The following IFT140 variants were observed in gnomAD, a reference collection of about 807,000 sequenced individuals.
The protein encoded by IFT140 is intraflagellar transport 140.
In IFT140, 133 loss-of-function variants were observed where a neutral mutation model predicts 164.6. The ratio of observed to expected loss-of-function variants is 0.81; its 90% CI spans 0.70 to 0.93. The LOEUF (loss-of-function observed/expected upper bound fraction) is 0.93, where lower values mean the gene tolerates loss of function less well. IFT140 is among the 40% of genes least tolerant of loss of function. IFT140 has a pLI of 0.00. For missense variants in IFT140, 2,045 were observed against 1,972.3 expected, an observed-to-expected ratio of 1.04 and a Z score of -0.70; for synonymous variants, 860 against 817.3, an observed-to-expected ratio of 1.05 and a Z score of -0.89.
At chr16:1,524,045 G>A (rs2040601540) in intron 24 of IFT140, 89 bp from the exon 25 acceptor site, 46 of 1,509,076 alleles carry the variant, frequency 3.0e-5, no homozygotes, top group African/African-American at 5.5e-5. Flanking sequence ...GTGCGAACCC[G>A]CCCCTTCACT....
chr16:1,511,163 A>G lies in IFT140; in HGVS notation c.4183-13T>C. On this transcript the variant is annotated splice_polypyrimidine_tract_variant and intron_variant, in intron 30 of 30. Coordinates refer to ENST00000426508, the MANE Select transcript of IFT140 (RefSeq NM_014714.4). ...GGAATCTGTAGGCCTGGGGCAGAGGAGCAGACATTACTCAGCTTTCCTGAA... is the reference window on the plus strand; with the variant it reads ...GGAATCTGTAGGCCTGGGGCAGAGGGGCAGACATTACTCAGCTTTCCTGAA... The G allele has an allele frequency of 6.3e-7, 1 of 1,590,772 alleles. No homozygotes were observed. The highest frequency in any genetic ancestry group is 8.6e-7 in the Non-Finnish European group (1 of 1,169,530).
chr16:1,594,724 G>A (rs1380237904), intron 4 of IFT140, among the ~76,000 whole-genome samples: 2 of 152,342 alleles, frequency 1.3e-5, no homozygotes, highest in African/African-American at 2.4e-5. Context: ...AGGGACAGCC[G>A]GCGGGGCCTC....
intron 3 of IFT140, among the ~76,000 whole-genome samples, chr16:1,606,857 C>T (rs996617583): frequency 1.1e-4 from 16 of 151,932 alleles, no homozygotes; most frequent in African/African-American, 2.4e-4. Context: ...TGCACACACA[C>T]GCATACACCC....
At chr16:1,606,000 C>G (rs547780426) in intron 3 of IFT140, among the ~76,000 whole-genome samples, 1 of 152,288 alleles carries the variant, frequency 6.6e-6, no homozygotes, top group South Asian at 2.1e-4. Context: ...ACACCAGAGG[C>G]AGGGCTGGAG....
chr16:1,553,055 A>G lies in IFT140; in HGVS notation c.2399+4880T>C, dbSNP rs2032799615. 3.0e-6 allele frequency: 3 copies of G among 985,330 alleles called. No homozygotes were observed. In the South Asian group the frequency reaches 1.4e-4, roughly 46 times the overall value. 61.0% of individuals were successfully genotyped at this position (985,330 alleles called of 1,614,324 possible). On this transcript the variant is annotated intron_variant, in intron 19 of 30. Transcript: ENST00000426508. This position sits in a 1 kb window ranked among gnomAD's most constrained non-coding sequence, Gnocchi z 4.4. Reference sequence around the variant, plus strand: ...ATGAACACAGAAACCAGTCACTGTCATTGTTCAGGACAAAATGGAGATAGA... The same window carrying G: ...ATGAACACAGAAACCAGTCACTGTCGTTGTTCAGGACAAAATGGAGATAGA...
intron 4 of IFT140, 25 bp from the exon 5 acceptor site, chr16:1,592,613 T>C (rs764629006): frequency 6.8e-6 from 11 of 1,609,564 alleles, no homozygotes; most frequent in Middle Eastern, 1.7e-4. Flanking sequence ...CACCACGTGT[T>C]AGGACAGGTG....
rs572314467 is a variant in IFT140 at position 1,543,038 on chromosome 16, CTG to C, written c.2399+14895_2399+14896del. Among the ~76,000 whole-genome samples the C allele has an allele frequency of 2.6e-3, 398 of 152,362 alleles. 2 individuals are homozygous for C. The highest frequency in any genetic ancestry group is 4.3e-3 in the Non-Finnish European group (292 of 68,024). ...GGCTCTGCTGGTCTTCTGTGGCTGA[CTG>C]AGAGGTTTGAAGACTGTGGGCATCT... On this transcript the variant is annotated intron_variant, in intron 19 of 30. Transcript: ENST00000426508.
Position 1,566,156 on chromosome 16 carries a change from C to T in IFT140, c.1901+5G>A, listed in dbSNP as rs999790368. On this transcript the variant is annotated splice_donor_5th_base_variant and intron_variant, in intron 16 of 30. Coordinates refer to ENST00000426508, the MANE Select transcript of IFT140 (RefSeq NM_014714.4). ...CAACAAAATCCTCCTGAACCACAAT[C>T]TTACTTATTAGTCTCTTGCTCATTA... The T allele has an allele frequency of 6.8e-6, 11 of 1,611,936 alleles. No individual in the cohort carries two copies. In the Admixed American group the frequency reaches 1.2e-4, roughly 17 times the overall value.
At chr16:1,545,004 A>T (rs1185221516) in intron 19 of IFT140, among the ~76,000 whole-genome samples, 1 of 152,216 alleles carries the variant, frequency 6.6e-6, no homozygotes, top group African/African-American at 2.4e-5. Flanking sequence ...AATTATTAGG[A>T]CTACTGTGGA....
Position 1,602,356 on chromosome 16 carries a change from G to C in IFT140, c.369+14C>G. The C allele has an allele frequency of 6.2e-7, 1 of 1,608,364 alleles. No homozygotes were observed. On this transcript the variant is annotated intron_variant, in intron 4 of 30. Transcript: ENST00000426508. ...TCAAGGTCTGAAAACAGCGTCTTGC[G>C]CGTGTTGACTCACCCTGTCCCCAGA...
intron 14 of IFT140, among the ~76,000 whole-genome samples, chr16:1,570,292 C>A (rs138989682): frequency 2.0e-5 from 3 of 152,114 alleles, no homozygotes; most frequent in Admixed American, 6.6e-5. Context: ...TGTGTACCAA[C>A]GGGTACATTG....
rs377366035 is a variant in IFT140, at chr16:1,562,128, A to C, written c.2068-12T>G. On this transcript the variant is annotated splice_polypyrimidine_tract_variant and intron_variant, in intron 17 of 30. Transcript: ENST00000426508. ...ATCAAAACATCTGCCTGGGAGAGAA[A>C]GAAAAGTACTGTTCTGTTTTTTTTT... The C allele has an allele frequency of 3.8e-5, 59 of 1,572,082 alleles. No homozygotes were observed. Among genetic ancestry groups the C allele is most frequent in the Non-Finnish European group, 4.6e-5 (53 of 1,162,422 alleles).
chr16:1,569,814 C>A (rs1480819323), intron 14 of IFT140, among the ~76,000 whole-genome samples: 1 of 151,294 alleles, frequency 6.6e-6, no homozygotes, highest in African/African-American at 2.4e-5. Context: ...TCTTGAACTC[C>A]TGGGCCTAAG....
At chr16:1,589,875 TTTCAAAGCAAAGCATC>T in intron 6 of IFT140, 95 bp from the exon 7 acceptor site, 8 of 1,171,566 alleles carry the variant, frequency 6.8e-6, no homozygotes, top group Non-Finnish European at 9.7e-6. Context: ...TTAAGGACAT[TTTCAAAGCAAAGCATC>T]TTCAGTATAA....
intron 6 of IFT140, among the ~76,000 whole-genome samples, chr16:1,590,752 G>C (rs188685867): frequency 1.3e-5 from 2 of 152,124 alleles, no homozygotes; most frequent in East Asian, 1.9e-4. Flanking sequence ...TGGATAATGA[G>C]TTCTTATTTT....
intron 19 of IFT140, among the ~76,000 whole-genome samples, chr16:1,550,746 C>G (rs1337186760): frequency 6.6e-6 from 1 of 152,236 alleles, no homozygotes; most frequent in Admixed American, 6.5e-5. Flanking sequence ...GGGCAAGGCC[C>G]TGCCAAATGC....
At chr16:1,579,290 G>C (rs1020422231) in intron 13 of IFT140, 3 of 152,100 alleles carry the variant, frequency 2.0e-5, no homozygotes, top group African/African-American at 7.2e-5. Flanking sequence ...GGAGGTTGCT[G>C]ATCTTGGTGT....
At chr16:1,513,910 T>C (rs2141111381) in intron 30 of IFT140, among the ~76,000 whole-genome samples, 1 of 146,518 alleles carries the variant, frequency 6.8e-6, no homozygotes. Flanking sequence ...CCTGACCTCA[T>C]GATCTGCCCG....
chr16:1,583,212 C>A, intron 12 of IFT140, 102 bp downstream of exon 12: 2 of 1,025,834 alleles, frequency 1.9e-6, no homozygotes, highest in Non-Finnish European at 3.0e-6. Context: ...CTCCCCAGCC[C>A]CTGTGCCAGC....
Sources: gnomAD v4.1 joint callset for allele counts (sites outside exome capture counted in the v4.1 genomes callset) on GRCh38, gnomAD v4.1.1 for gene constraint, Gnocchi (gnomAD v3.1) non-coding constraint, MANE v1.5 for transcripts, NCBI Gene and HGNC (gene_info 2026-07-23, HGNC 2026-07-21) for gene names.